Variants in GABBR2 observed in about 807,000 individuals in gnomAD.
GABBR2 encodes the protein G-protein coupled receptor 51.
Under a neutral mutation model 105.6 loss-of-function variants are expected in GABBR2, and 23 were observed. That is an observed-to-expected ratio of 0.22 (90% confidence interval 0.16 to 0.31). The LOEUF (loss-of-function observed/expected upper bound fraction) is 0.31, where lower values mean the gene tolerates loss of function less well. Ranked by LOEUF, GABBR2 falls within the 10% of genes least tolerant of loss-of-function variation. GABBR2 has a pLI of 1.00. For synonymous variants in GABBR2, 478 were observed against 499.7 expected (o/e 0.96, Z 0.58); for missense variants, 734 against 1,245.5 (o/e 0.59, Z 6.18).
intron 15 of GABBR2, among the ~76,000 whole-genome samples, chr9:98,303,734 C>T (rs529763120): frequency 3.3e-5 from 5 of 152,244 alleles, no homozygotes; most frequent in African/African-American, 9.6e-5. Context: ...CTGCCTAGCA[C>T]GCTGCCTTAG....
chr9:98,434,424 T>C (rs1051434078), intron 7 of GABBR2, among the ~76,000 whole-genome samples: 2 of 152,272 alleles, frequency 1.3e-5, no homozygotes, highest in Admixed American at 1.3e-4. Flanking sequence ...GGCCAGTCAG[T>C]GGTGTGCTGG....
At chr9:98,694,727 CTTAT>C (rs1830726835) in intron 1 of GABBR2, among the ~76,000 whole-genome samples, 1 of 152,192 alleles carries the variant, frequency 6.6e-6, no homozygotes, top group South Asian at 2.1e-4. Flanking sequence ...TCACATTAAT[CTTAT>C]TTCTCTCCCT....
intron 4 of GABBR2, among the ~76,000 whole-genome samples, chr9:98,488,236 G>T (rs1029853104): frequency 1.2e-4 from 18 of 152,150 alleles, no homozygotes; most frequent in Non-Finnish European, 7.4e-5. Flanking sequence ...GATTTTCACA[G>T]CAGCAATGGG....
chr9:98,502,110 T>G (rs978090505), intron 3 of GABBR2, among the ~76,000 whole-genome samples: 1 of 151,978 alleles, frequency 6.6e-6, no homozygotes, highest in Non-Finnish European at 1.5e-5. Flanking sequence ...GCAGTCTTTA[T>G]CCATGCCTGC....
chr9:98,387,051 A>C (rs7044961), intron 10 of GABBR2, among the ~76,000 whole-genome samples: 22,745 of 152,080 alleles, frequency 0.15, 2,138 homozygotes, highest in African/African-American at 0.26. Context: ...TAGGTGCCTC[A>C]ATTCTTATTA....
At chr9:98,554,218 G>A (rs879179460) in intron 2 of GABBR2, among the ~76,000 whole-genome samples, 5 of 152,054 alleles carry the variant, frequency 3.3e-5, no homozygotes, top group African/African-American at 4.8e-5. Flanking sequence ...AGAATTAGCC[G>A]GGCATGGTGG....
intron 1 of GABBR2, among the ~76,000 whole-genome samples, chr9:98,632,196 T>C (rs1588260754): frequency 6.6e-6 from 1 of 152,212 alleles, no homozygotes; most frequent in Non-Finnish European, 1.5e-5. Flanking sequence ...TATGTCCTAG[T>C]GGAAGGGTCA....
chr9:98,473,026 G>C (rs1293170904), intron 6 of GABBR2, 120 bp downstream of exon 6: 7 of 731,256 alleles, frequency 9.6e-6, no homozygotes, highest in Non-Finnish European at 1.6e-5. Flanking sequence ...GGCTCAGAGA[G>C]GTCAAGTGAT....
chr9:98,499,598 C>T (rs572894308), intron 3 of GABBR2, among the ~76,000 whole-genome samples: 1 of 152,202 alleles, frequency 6.6e-6, no homozygotes, highest in Non-Finnish European at 1.5e-5. Flanking sequence ...GTGACAAAAG[C>T]ATGGAAAAGA....
intron 2 of GABBR2, among the ~76,000 whole-genome samples, chr9:98,560,540 T>A (rs1216405025): frequency 6.6e-6 from 1 of 151,562 alleles, no homozygotes; most frequent in Non-Finnish European, 1.5e-5. Context: ...ACAGGCGCAT[T>A]CACAACTTTT....
intron 11 of GABBR2, among the ~76,000 whole-genome samples, chr9:98,385,222 G>A (rs1832050297): frequency 6.6e-6 from 1 of 152,060 alleles, no homozygotes; most frequent in South Asian, 2.1e-4. Context: ...CTTTATTTCC[G>A]AGACAGGGTC....
chr9:98,586,912 T>C (rs1829085653), intron 1 of GABBR2, among the ~76,000 whole-genome samples: 1 of 152,230 alleles, frequency 6.6e-6, no homozygotes, highest in East Asian at 1.9e-4. Flanking sequence ...GATGGTCGAA[T>C]ATTTGCATAC....
At chr9:98,663,079 C>A (rs1830285758) in intron 1 of GABBR2, among the ~76,000 whole-genome samples, 1 of 152,140 alleles carries the variant, frequency 6.6e-6, no homozygotes, top group Non-Finnish European at 1.5e-5. Context: ...TAGTAAGTAT[C>A]CTGAGACAAG....
chr9:98,703,104 T>G (rs1830851849), intron 1 of GABBR2, among the ~76,000 whole-genome samples: 1 of 152,126 alleles, frequency 6.6e-6, no homozygotes, highest in Non-Finnish European at 1.5e-5. Flanking sequence ...GCTGAAACAG[T>G]TGGGAAAGAA....
intron 1 of GABBR2, among the ~76,000 whole-genome samples, chr9:98,628,791 G>A (rs1829779334): frequency 6.6e-6 from 1 of 152,054 alleles, no homozygotes; most frequent in Non-Finnish European, 1.5e-5. Context: ...TGGAGTGTGT[G>A]TCCCCCTCCA....
chr9:98,452,617 A>G (rs1826252174), intron 7 of GABBR2, among the ~76,000 whole-genome samples: 1 of 152,242 alleles, frequency 6.6e-6, no homozygotes, highest in Non-Finnish European at 1.5e-5. Flanking sequence ...TGTGCCTAGC[A>G]CTAGGCATAC....
chr9:98,545,664 C>T (rs1828384251), intron 2 of GABBR2, among the ~76,000 whole-genome samples: 1 of 152,200 alleles, frequency 6.6e-6, no homozygotes, highest in Non-Finnish European at 1.5e-5. Context: ...ACCACAGATA[C>T]AGCTCCACAC....
chr9:98,660,897 C>T (rs1830250675), intron 1 of GABBR2, among the ~76,000 whole-genome samples: 1 of 152,172 alleles, frequency 6.6e-6, no homozygotes, highest in Non-Finnish European at 1.5e-5. Context: ...AGGATAATAT[C>T]CCCATCTCAA....
chr9:98,659,772 C>T (rs760463521), intron 1 of GABBR2, among the ~76,000 whole-genome samples: 1 of 151,946 alleles, frequency 6.6e-6, no homozygotes, highest in African/African-American at 2.4e-5. Flanking sequence ...CCGCCCACCT[C>T]GGTCTCCCAA....
Sources: gnomAD v4.1 joint callset for allele counts (sites outside exome capture counted in the v4.1 genomes callset) on GRCh38, gnomAD v4.1.1 for gene constraint, MANE v1.5 for transcripts, NCBI Gene and HGNC (gene_info 2026-07-23, HGNC 2026-07-21) for gene names.